The following CYP4F22 variants were observed in gnomAD, a reference collection of about 807,000 sequenced individuals.
CYP4F22 encodes the protein ultra-long-chain fatty acid omega-hydroxylase.
A neutral mutation model predicts 60.4 loss-of-function variants in CYP4F22; 37 were observed. The ratio of observed to expected loss-of-function variants is 0.61; its 90% confidence interval spans 0.47 to 0.81. CYP4F22 has a LOEUF of 0.81. CYP4F22 is among the 30% of genes least tolerant of loss of function. The pLI is 0.00. For missense variants in CYP4F22, 655 were observed against 715.0 expected, an observed-to-expected ratio of 0.92 and a Z score of 0.96; for synonymous variants, 258 against 280.5, an observed-to-expected ratio of 0.92 and a Z score of 0.80.
intron 3 of CYP4F22, 64 bp downstream of exon 3, chr19:15,525,622 A>C: frequency 6.7e-7 from 1 of 1,496,002 alleles, no homozygotes. Context: ...ATAGGTAGGG[A>C]TGGTGGGCCT....
intron 1 of CYP4F22, among the ~76,000 whole-genome samples, chr19:15,520,593 T>C (rs972660451): frequency 9.2e-5 from 14 of 151,826 alleles, no homozygotes; most frequent in African/African-American, 3.4e-4. Context: ...TCTTTTTTCA[T>C]TTTTATTTTT....
At chr19:15,550,341 G>A (rs561298055) in intron 12 of CYP4F22, among the ~76,000 whole-genome samples, 1 of 152,302 alleles carries the variant, frequency 6.6e-6, no homozygotes, top group East Asian at 1.9e-4. Flanking sequence ...AGAAAAACAG[G>A]TGGAGGGGGC....
chr19:15,519,168 G>A (rs1971191400), intron 1 of CYP4F22, among the ~76,000 whole-genome samples: 3 of 152,060 alleles, frequency 2.0e-5, no homozygotes, highest in Non-Finnish European at 4.4e-5. Flanking sequence ...TCAGGATGTG[G>A]GCACAGAGGA....
At chr19:15,544,767 A>G (rs1971502173) in intron 10 of CYP4F22, among the ~76,000 whole-genome samples, 1 of 152,150 alleles carries the variant, frequency 6.6e-6, no homozygotes, top group African/African-American at 2.4e-5. Context: ...TGAAATTTAA[A>G]AGCTTTGCTT....
Position 15,549,805 on chromosome 19 carries a change from A to G in CYP4F22, c.1335+603A>G, listed in dbSNP as rs1241182365. The stretch of plus-strand genomic sequence containing the variant: ...GGCAACACAGTGAGACCCCATTTCT[A>G]AAAAAAAAAAAAGTTAGCCAGCCAT... On this transcript the variant is annotated intron_variant, in intron 12 of 13. Transcript: ENST00000269703. Among the ~76,000 whole-genome samples, 5 of 35,430 alleles carry G rather than the reference A, an allele frequency of 1.4e-4. No homozygotes were observed. The East Asian group carries it at 3.6e-3, about 26-fold the overall frequency. The allele number at this position is 35,430 out of a possible 152,430, so 23.2% of individuals were successfully genotyped here.
At chr19:15,544,942 T>TC (rs1302028623) in intron 10 of CYP4F22, among the ~76,000 whole-genome samples, 4 of 151,928 alleles carry the variant, frequency 2.6e-5, no homozygotes, top group East Asian at 3.9e-4. Context: ...GTGCCTGTAA[T>TC]CCCCCCTACT....
At chr19:15,542,681 TATTTA>T (rs1459169314) in intron 8 of CYP4F22, among the ~76,000 whole-genome samples, 1 of 152,178 alleles carries the variant, frequency 6.6e-6, no homozygotes, top group Non-Finnish European at 1.5e-5. Context: ...ATGCATTTGC[TATTTA>T]TCCTGATATT....
chr19:15,545,648 CAAAA>C (rs1217096575), intron 10 of CYP4F22, among the ~76,000 whole-genome samples: 411 of 38,952 alleles, frequency 0.011, 4 homozygotes, highest in African/African-American at 0.038. Context: ...GACCCTGTCT[CAAAA>C]AAAAAAAAAA....
intron 3 of CYP4F22, among the ~76,000 whole-genome samples, chr19:15,529,371 T>C (rs1045455806): frequency 3.9e-5 from 6 of 152,176 alleles, no homozygotes; most frequent in African/African-American, 1.4e-4. Context: ...TCAGGTGATC[T>C]GCTTGCCTTG....
In CYP4F22 at chr19:15,540,674, A is replaced by G. The variant is rs976103098; in HGVS notation, c.896A>G (p.Gln299Arg). 3.7e-6 allele frequency: 6 copies of G among 1,613,650 alleles called. No individual in the cohort carries two copies. In the African/African-American group the frequency reaches 8.0e-5, roughly 22 times the overall value. The change falls in exon 8 of 14, where the codon CAG becomes CGG. Residue 299 changes from glutamine (Q) to arginine (R), a missense_variant. Gln to Arg is a conservative substitution (Grantham distance 43). Around this residue, in one of 3 missense-constraint regions of CYP4F22, gnomAD observed 430 missense variants for 457.1 expected, o/e 0.94. Transcript: ENST00000269703. ...GCCGAGGCCTGGCTTAAGGCCAAGC[A>G]GGGGAAGACCTTGGACTTTATTGAT... ...QGAEAWLKAK[Q>R]GKTLDFIDVL...
intron 1 of CYP4F22, among the ~76,000 whole-genome samples, chr19:15,509,889 C>CTTTCTTTCT (rs1356540776): frequency 0.041 from 4,762 of 116,878 alleles, 266 homozygotes; most frequent in East Asian, 0.18. Flanking sequence ...TCCTTCCTTC[C>CTTTCTTTCT]TTCCTTCCTT....
intron 4 of CYP4F22, among the ~76,000 whole-genome samples, chr19:15,534,673 C>G (rs1291488948): frequency 6.6e-6 from 1 of 152,008 alleles, no homozygotes; most frequent in East Asian, 1.9e-4. Context: ...CACAGACTTT[C>G]CTGGCATTGT....
At chr19:15,518,513 G>A (rs956565500) in intron 1 of CYP4F22, among the ~76,000 whole-genome samples, 1 of 150,618 alleles carries the variant, frequency 6.6e-6, no homozygotes, top group Non-Finnish European at 1.5e-5. Context: ...CCTGGGCGTG[G>A]TGGCAGGCGC....
intron 7 of CYP4F22, 46 bp downstream of exon 7, chr19:15,538,039 G>A: frequency 6.2e-7 from 1 of 1,612,526 alleles, no homozygotes; most frequent in South Asian, 1.1e-5. Context: ...TGCTCTAGGA[G>A]CAAGATGGTG....
intron 8 of CYP4F22, among the ~76,000 whole-genome samples, chr19:15,541,489 G>C (rs1228731315): frequency 6.6e-6 from 1 of 151,750 alleles, no homozygotes; most frequent in East Asian, 1.9e-4. Context: ...CTCCAAACAC[G>C]GTCATAGCCT....
In CYP4F22 at chr19:15,542,390, A is replaced by G. The variant is rs540898128; in HGVS notation, c.940-1581A>G. 5.4e-5 allele frequency among the ~76,000 whole-genome samples: 8 copies of G among 149,200 alleles called. No homozygotes were observed. In the East Asian group the frequency reaches 1.6e-3, roughly 29 times the overall value. On this transcript the variant is annotated intron_variant, in intron 8 of 13. Transcript: ENST00000269703. ...CTACTAAAAATAAAAAAAAAATATT[A>G]GCCGGGCGTGGTGGCATGCATCTGT... is the stretch of plus-strand genomic sequence containing the variant.
chr19:15,510,742 G>T (rs2078324406), intron 1 of CYP4F22, among the ~76,000 whole-genome samples: 1 of 151,894 alleles, frequency 6.6e-6, no homozygotes, highest in South Asian at 2.1e-4. Context: ...TTGCCAACTT[G>T]GCCCTGCCCT....
rs71333384 is a variant in CYP4F22, at chr19:15,524,064, GAA to G, written c.-2+278_-2+279del. On this transcript the variant is annotated intron_variant, in intron 2 of 13. Coordinates refer to ENST00000269703, the MANE Select transcript of CYP4F22 (RefSeq NM_173483.4). The stretch of plus-strand genomic sequence containing the variant: ...GACAGAACCAGACCCTGTCTCAAAA[GAA>G]AAAAAAAAAAAAGGAAATGTGGAAT... Among the ~76,000 whole-genome samples, 22 of 98,144 alleles carry G rather than the reference GAA, an allele frequency of 2.2e-4. 1 individual carries two copies. The highest frequency in any genetic ancestry group is 6.3e-4 in the African/African-American group (16 of 25,344). 64.4% of individuals were successfully genotyped at this position (98,144 alleles called of 152,430 possible). A position where few individuals can be genotyped will look rare whatever the true frequency, so the allele number is the denominator to read the frequency against.
Position 15,537,594 on chromosome 19 carries a change from C to T in CYP4F22, c.481C>T (p.Pro161Ser). 3 of 1,614,172 alleles carry T rather than the reference C, an allele frequency of 1.9e-6. No homozygotes were observed. The highest frequency in any genetic ancestry group is 1.3e-5 in the African/African-American group (1 of 75,062). Reference protein sequence around the residue: ...KWSRHRRLLTPAFHFDILKPY... With the variant: ...KWSRHRRLLTSAFHFDILKPY... ...GAGCCGGCACCGTCGCCTGCTGACACCCGCCTTCCACTTTGACATCCTGAA... is the reference window on the plus strand; with the variant it reads ...GAGCCGGCACCGTCGCCTGCTGACATCCGCCTTCCACTTTGACATCCTGAA... The change falls in exon 6 of 14, where the codon CCC becomes TCC. Residue 161 changes from proline (P) to serine (S), a missense_variant. Around this residue, in one of 3 missense-constraint regions of CYP4F22, gnomAD observed 430 missense variants for 457.1 expected, o/e 0.94. Coordinates refer to ENST00000269703, the MANE Select transcript of CYP4F22 (RefSeq NM_173483.4).
Sources: allele counts gnomAD v4.1 joint callset (sites outside exome capture counted in the v4.1 genomes callset), GRCh38; gene constraint gnomAD v4.1.1; regional missense constraint gnomAD v4.1.1; transcripts MANE v1.5; gene names NCBI Gene and HGNC (gene_info 2026-07-23, HGNC 2026-07-21).